The following ARL3 variants were observed in gnomAD, a reference collection of about 807,000 sequenced individuals.
ARL3 encodes the protein ADP-ribosylation factor-like protein 3.
ARL3 carries 9 observed loss-of-function variants against 26.0 expected under a neutral mutation model. The ratio of observed to expected loss-of-function variants is 0.35; its 90% CI spans 0.21 to 0.60. ARL3 has a LOEUF of 0.60. Ranked by LOEUF, ARL3 falls within the 20% of genes least tolerant of loss-of-function variation. The pLI, the probability that ARL3 is intolerant of heterozygous loss-of-function variation, is 0.78. For synonymous variants in ARL3, 71 were observed against 78.4 expected (o/e 0.91, Z 0.50); for missense variants, 158 against 215.7 (o/e 0.73, Z 1.67).
chr10:102,681,185 C>T (rs937210854), intron 5 of ARL3, among the ~76,000 whole-genome samples: 2 of 151,218 alleles, frequency 1.3e-5, no homozygotes, highest in Non-Finnish European at 1.5e-5. Context: ...GTCAGGAGTT[C>T]GAGACCAGCC....
chr10:102,708,908 A>ATATATATATTTTTTTTTTTTTTTTTT, intron 1 of ARL3, among the ~76,000 whole-genome samples: 1 of 95,350 alleles, frequency 1.0e-5, no homozygotes, highest in African/African-American at 4.2e-5. Flanking sequence ...ATATATATAT[A>ATATATATATTTTTTTTTTTTTTTTTT]TTTTTTTTTT....
chr10:102,705,223 G>A (rs2064302925), intron 2 of ARL3, 123 bp downstream of exon 2: 1 of 1,207,384 alleles, frequency 8.3e-7, no homozygotes, highest in Non-Finnish European at 1.1e-6. Context: ...TCTTTAGATT[G>A]TATAGACTTT....
intron 1 of ARL3, among the ~76,000 whole-genome samples, chr10:102,713,740 A>G (rs1167333785): frequency 6.6e-6 from 1 of 152,022 alleles, no homozygotes; most frequent in African/African-American, 2.4e-5. Context: ...CGTGGGACTT[A>G]CTTCCCTACC....
chr10:102,713,657 C>G (rs911909623), intron 1 of ARL3, among the ~76,000 whole-genome samples: 8 of 152,216 alleles, frequency 5.3e-5, no homozygotes, highest in Admixed American at 3.3e-4. Context: ...ACTGAGGAAG[C>G]GCACCCGCCA....
intron 4 of ARL3, among the ~76,000 whole-genome samples, chr10:102,688,499 CTTTTTTTT>C (rs61629496): frequency 5.4e-5 from 5 of 92,180 alleles, no homozygotes; most frequent in Admixed American, 3.5e-4. Context: ...TTTTAAAAAA[CTTTTTTTT>C]TTTTTTTTTT....
intron 2 of ARL3, among the ~76,000 whole-genome samples, chr10:102,703,694 C>T (rs1018672963): frequency 3.3e-5 from 5 of 151,748 alleles, no homozygotes; most frequent in East Asian, 2.0e-4. Context: ...CCGCCCACCT[C>T]GGCCTCCCAA....
At chr10:102,681,220 G>T (rs2064154524) in intron 5 of ARL3, among the ~76,000 whole-genome samples, 2 of 151,640 alleles carry the variant, frequency 1.3e-5, no homozygotes, top group Non-Finnish European at 2.9e-5. Flanking sequence ...AAACCTCGTT[G>T]CTACTAAAAA....
At chr10:102,704,160 A>AAG (rs1212483783) in intron 2 of ARL3, among the ~76,000 whole-genome samples, 1 of 151,186 alleles carries the variant, frequency 6.6e-6, no homozygotes, top group Non-Finnish European at 1.5e-5. Flanking sequence ...CCAAAAAAAA[A>AAG]AAAAAAAAAA....
intron 5 of ARL3, among the ~76,000 whole-genome samples, chr10:102,677,938 G>C (rs1362794846): frequency 1.3e-5 from 2 of 151,918 alleles, no homozygotes; most frequent in Admixed American, 6.6e-5. Flanking sequence ...TCTAGCTGCC[G>C]AACCTGAACA....
At chr10:102,693,160 T>C (rs1387196165) in intron 3 of ARL3, among the ~76,000 whole-genome samples, 1 of 152,254 alleles carries the variant, frequency 6.6e-6, no homozygotes, top group Non-Finnish European at 1.5e-5. Flanking sequence ...AACATTCCTA[T>C]GCAGAATTTT....
At chr10:102,693,517 TTTGTAAAACCAAG>T (rs2064230899) in intron 3 of ARL3, among the ~76,000 whole-genome samples, 1 of 152,216 alleles carries the variant, frequency 6.6e-6, no homozygotes, top group South Asian at 2.1e-4. Context: ...CTTTTGCCCA[TTTGTAAAACCAAG>T]TTGTTTGCTT....
intron 5 of ARL3, among the ~76,000 whole-genome samples, chr10:102,678,987 T>C (rs2064142874): frequency 6.6e-6 from 1 of 152,228 alleles, no homozygotes; most frequent in South Asian, 2.1e-4. Flanking sequence ...CCTGGGCCCC[T>C]GCAGCTGCCG....
intron 3 of ARL3, among the ~76,000 whole-genome samples, chr10:102,694,872 C>T (rs1420688012): frequency 6.6e-6 from 1 of 152,220 alleles, no homozygotes; most frequent in South Asian, 2.1e-4. Context: ...GTGCCTGCCA[C>T]TACACCCGGC....
At chr10:102,708,905 TA>T (rs1313793661) in intron 1 of ARL3, among the ~76,000 whole-genome samples, 250 of 110,610 alleles carry the variant, frequency 2.3e-3, no homozygotes, top group Non-Finnish European at 3.9e-3. Flanking sequence ...TATATATATA[TA>T]TATTTTTTTT....
chr10:102,703,544 C>T (rs12769906), intron 2 of ARL3, among the ~76,000 whole-genome samples: 47,410 of 145,420 alleles, frequency 0.33, 7,986 homozygotes, highest in African/African-American at 0.38. Flanking sequence ...CCTGGGTTCA[C>T]GCCATTCTCC....
chr10:102,692,167 G>T (rs2064221632), intron 3 of ARL3, among the ~76,000 whole-genome samples: 1 of 152,174 alleles, frequency 6.6e-6, no homozygotes, highest in Non-Finnish European at 1.5e-5. Flanking sequence ...CTTGCAGTCT[G>T]CCCTCAAGCT....
At chr10:102,687,873 G>T (rs1250580086) in intron 4 of ARL3, among the ~76,000 whole-genome samples, 2 of 151,960 alleles carry the variant, frequency 1.3e-5, no homozygotes, top group Non-Finnish European at 2.9e-5. Flanking sequence ...GACAAGAAGT[G>T]GTTTGAGATT....
intron 2 of ARL3, among the ~76,000 whole-genome samples, chr10:102,703,505 A>G (rs1187022333): frequency 7.7e-6 from 1 of 130,334 alleles, no homozygotes; most frequent in Non-Finnish European, 1.6e-5. Flanking sequence ...GTGCAGTGGC[A>G]TGATCTCGGC....
intron 5 of ARL3, among the ~76,000 whole-genome samples, chr10:102,680,088 C>T (rs1166698418): frequency 6.6e-6 from 1 of 152,024 alleles, no homozygotes; most frequent in Admixed American, 6.6e-5. Context: ...GGACTACAGG[C>T]GCCCGCCACC....
Sources: allele counts gnomAD v4.1 joint callset (sites outside exome capture counted in the v4.1 genomes callset), GRCh38; gene constraint gnomAD v4.1.1; transcripts MANE v1.5; gene names NCBI Gene and HGNC (gene_info 2026-07-23, HGNC 2026-07-21).